PDE4DIP: variants seen among roughly 807,000 people sequenced by gnomAD.
PDE4DIP encodes the protein myomegalin.
In PDE4DIP, 59 loss-of-function variants were observed where a neutral mutation model predicts 221.4. That is an observed-to-expected ratio of 0.27 (90% CI 0.22 to 0.33). The LOEUF is 0.33. PDE4DIP is among the 10% of genes least tolerant of loss of function. The pLI is 1.00. For synonymous variants in PDE4DIP, 404 were observed against 815.9 expected (o/e 0.50, Z 8.60); for missense variants, 1,036 against 2,154.2 (o/e 0.48, Z 10.28).
chr1:148,953,069 T>C (rs1181248374), intron 5 of PDE4DIP: 1 of 1,613,992 alleles, frequency 6.2e-7, no homozygotes, highest in African/African-American at 1.3e-5. Context: ...TGCCAGTATG[T>C]ATCGGAAGAA....
chr1:149,029,700 A>G, intron 41 of PDE4DIP, 87 bp from the exon 45 acceptor site: 1 of 768,742 alleles, frequency 1.3e-6, no homozygotes, highest in Admixed American at 2.3e-5. Context: ...AGACTGTAGA[A>G]TCCTTCTTTG....
chr1:149,009,513 A>G, intron 29 of PDE4DIP, 55 bp from the exon 33 acceptor site: 1 of 1,168,826 alleles, frequency 8.6e-7, no homozygotes, highest in Non-Finnish European at 1.3e-6. Context: ...CATAGTCAGG[A>G]CAGGTTGGCT....
chr1:148,934,612 C>T (rs4300173), intron 4 of PDE4DIP, among the ~76,000 whole-genome samples: 5 of 147,898 alleles, frequency 3.4e-5, no homozygotes, highest in African/African-American at 5.1e-5. Flanking sequence ...TCTGTTTTTG[C>T]TTTTGTTTTG....
At chr1:148,929,140 A>C in intron 1 of PDE4DIP, 57 bp from the exon 5 acceptor site, 1 of 1,567,242 alleles carries the variant, frequency 6.4e-7, no homozygotes, top group East Asian at 2.3e-5. Flanking sequence ...AGGAACCTGG[A>C]TCCAGGAAAG....
At chr1:149,023,656 GTA>G (rs782175174) in intron 37 of PDE4DIP, among the ~76,000 whole-genome samples, 2,799 of 116,060 alleles carry the variant, frequency 0.024, 50 homozygotes, top group African/African-American at 0.032. Context: ...ATATGTACAT[GTA>G]TATGTGTGCA....
intron 1 of PDE4DIP, among the ~76,000 whole-genome samples, chr1:148,820,573 A>AG (rs1452686805): frequency 1.4e-5 from 2 of 139,682 alleles, no homozygotes; most frequent in African/African-American, 5.3e-5. Flanking sequence ...AAAAAAAAAA[A>AG]AAAAAAAGAA....
intron 27 of PDE4DIP, chr1:149,006,375 T>A (rs2067046890): frequency 1.3e-5 from 2 of 152,128 alleles, no homozygotes; most frequent in Admixed American, 1.3e-4. Flanking sequence ...AGCTGGGTGG[T>A]TCTCACTTAG....
In PDE4DIP at chr1:148,977,059, AT is replaced by A. The variant is rs782779597; in HGVS notation, c.2320-868del. Among the ~76,000 whole-genome samples, 588 of 60,000 alleles carry A rather than the reference AT, an allele frequency of 9.8e-3. 9 individuals carry two copies. Among genetic ancestry groups the A allele is most frequent in the African/African-American group, 0.041 (556 of 13,714 alleles). 39.4% of individuals were successfully genotyped at this position (60,000 alleles called of 152,430 possible). On this transcript the variant is annotated intron_variant, in intron 17 of 43. Transcript: ENST00000369354. ...GTTAGCAGCTATGGTTGTTATCATG[AT>A]TTTTTTTTTGAGATGGAGTCTCGCT...
chr1:148,979,792 T>C, exon 20 of PDE4DIP: 1 of 1,613,674 alleles, frequency 6.2e-7, no homozygotes, highest in Non-Finnish European at 8.5e-7. Flanking sequence ...AATGAGGCCT[T>C]ACAAGCAGAG....
At chr1:148,982,880 C>G (rs2061338610) in intron 21 of PDE4DIP, 1 of 151,816 alleles carries the variant, frequency 6.6e-6, no homozygotes, top group African/African-American at 2.4e-5. Context: ...GTTTCTGTAA[C>G]TTTAGCTGTG....
chr1:148,864,981 A>G (rs1487029785), intron 2 of PDE4DIP, among the ~76,000 whole-genome samples: 1 of 137,314 alleles, frequency 7.3e-6, no homozygotes, highest in Non-Finnish European at 1.6e-5. Context: ...CATAGCCACC[A>G]ATCTAACTGT....
chr1:149,028,827 G>A, intron 41 of PDE4DIP, 124 bp downstream of exon 44: 1 of 633,784 alleles, frequency 1.6e-6, no homozygotes, highest in Non-Finnish European at 2.8e-6. Context: ...GGGATAGACA[G>A]GAACTTAGAG....
At chr1:148,977,998 C>G (rs1553539013) in exon 18 of PDE4DIP, 2 of 1,614,126 alleles carry the variant, frequency 1.2e-6, no homozygotes, top group Admixed American at 3.3e-5. Context: ...CAGGTGCAGG[C>G]TGCTGATATG....
chr1:149,027,273 C>T, intron 39 of PDE4DIP, 128 bp from the exon 43 acceptor site: 1 of 566,880 alleles, frequency 1.8e-6, no homozygotes, highest in Non-Finnish European at 3.3e-6. Flanking sequence ...CTTGTACATT[C>T]CCAGGCTTCC....
At chr1:148,969,969 G>A (rs1397817260) in intron 14 of PDE4DIP, among the ~76,000 whole-genome samples, 2 of 152,138 alleles carry the variant, frequency 1.3e-5, no homozygotes, top group Admixed American at 6.5e-5. Flanking sequence ...GCCTCCCAAA[G>A]TGCTGGGATT....
At chr1:148,953,008 T>G in intron 5 of PDE4DIP, 1 of 1,614,078 alleles carries the variant, frequency 6.2e-7, no homozygotes, top group East Asian at 2.2e-5. Flanking sequence ...CGCTTTCTAT[T>G]GAGCGCTTGC....
chr1:148,901,073 CAG>C (rs2040476291), intron 1 of PDE4DIP, among the ~76,000 whole-genome samples: 1 of 116,188 alleles, frequency 8.6e-6, no homozygotes, highest in African/African-American at 3.8e-5. Context: ...GAGTAATTCA[CAG>C]AGAGATGAAT....
chr1:148,822,332 C>G (rs1275389070), intron 1 of PDE4DIP, among the ~76,000 whole-genome samples: 1 of 122,494 alleles, frequency 8.2e-6, no homozygotes, highest in South Asian at 2.9e-4. Context: ...GTTAGGACCC[C>G]GGCTGCATAG....
rs80129204 is a variant in PDE4DIP, at chr1:149,016,226, A to G, written c.5267-73A>G. 61 of 1,203,304 alleles carry G rather than the reference A, an allele frequency of 5.1e-5. No individual in the cohort carries two copies. The East Asian group carries it at 1.3e-3, about 26-fold the overall frequency. The allele number at this position is 1,203,304 out of a possible 1,614,324, so 74.5% of individuals were successfully genotyped here. A position where few individuals can be genotyped will look rare whatever the true frequency, so the allele number is the denominator to read the frequency against. On this transcript the variant is annotated intron_variant, in intron 32 of 43. Transcript: ENST00000369354. Reference sequence around the variant, plus strand: ...CTCCTTTTAGTCTCTATTCTTAGCAATCACACACTTCCTTGCAAATTCTTC... The same window carrying G: ...CTCCTTTTAGTCTCTATTCTTAGCAGTCACACACTTCCTTGCAAATTCTTC...
Sources: gnomAD v4.1 joint callset for allele counts (sites outside exome capture counted in the v4.1 genomes callset) on GRCh38, gnomAD v4.1.1 for gene constraint, MANE v1.5 for transcripts, NCBI Gene and HGNC (gene_info 2026-07-23, HGNC 2026-07-21) for gene names.